Variants in ASB5 observed in about 807,000 individuals in gnomAD.
The protein encoded by ASB5 is ankyrin repeat and SOCS box containing 5.
ASB5 carries 45 observed loss-of-function variants against 42.1 expected under a neutral mutation model. The ratio of observed to expected loss-of-function variants is 1.07; its 90% CI spans 0.84 to 1.37. The LOEUF (loss-of-function observed/expected upper bound fraction) is 1.37. ASB5 is among the 40% of genes most tolerant of loss of function. The pLI is 0.00. For missense variants in ASB5, 402 were observed against 399.8 expected (o/e 1.01, Z -0.05); for synonymous variants, 147 against 150.6 (o/e 0.98, Z 0.18).
intron 5 of ASB5, among the ~76,000 whole-genome samples, chr4:176,218,959 T>C (rs1188584462): frequency 1.7e-4 from 3 of 17,538 alleles, no homozygotes; most frequent in African/African-American, 3.0e-4. Context: ...TATATAAATA[T>C]ATATTTGTAT....
chr4:176,226,818 C>T (rs1214329698), intron 1 of ASB5, among the ~76,000 whole-genome samples: 2 of 152,228 alleles, frequency 1.3e-5, no homozygotes, highest in Non-Finnish European at 2.9e-5. Flanking sequence ...CCCAGCTTGC[C>T]TGGGCTCTGC....
At chr4:176,273,770 A>G (rs1398869187), upstream of ASB5, among the ~76,000 whole-genome samples, 1 of 152,248 alleles carries the variant, frequency 6.6e-6, no homozygotes, top group Non-Finnish European at 1.5e-5. Flanking sequence ...TATGTTGTCC[A>G]GAAAAACTTG....
upstream of ASB5, among the ~76,000 whole-genome samples, chr4:176,273,984 C>T (rs1355871880): frequency 2.6e-5 from 4 of 152,086 alleles, no homozygotes; most frequent in East Asian, 3.8e-4. Flanking sequence ...ACTTATCTCC[C>T]GGCTCTCGAG....
chr4:176,225,448 G>T, intron 1 of ASB5, 107 bp from the exon 2 acceptor site: 1 of 938,240 alleles, frequency 1.1e-6, no homozygotes, highest in Non-Finnish European at 1.7e-6. Flanking sequence ...TTCACACTCA[G>T]TGTTCAACAG....
At chr4:176,268,532 A>T (rs943396591) in intron 1 of ASB5, among the ~76,000 whole-genome samples, 1 of 152,198 alleles carries the variant, frequency 6.6e-6, no homozygotes, top group Non-Finnish European at 1.5e-5. Flanking sequence ...ATCCAGGTAC[A>T]CATTAGAGGA....
In ASB5 at chr4:176,215,656, G is replaced by C. The variant is rs1315643862; in HGVS notation, c.934C>G (p.Leu312Val). 1 of 1,613,322 alleles carries C rather than the reference G, an allele frequency of 6.2e-7. No individual in the cohort carries two copies. Among genetic ancestry groups the C allele is most frequent in the Non-Finnish European group, 8.5e-7 (1 of 1,179,544 alleles). The change falls in exon 7 of 7, where the codon CTT (leucine) becomes GTT (valine). Residue 312 changes from leucine (L) to valine (V), a missense_variant. By Grantham distance (32) the Leu-to-Val change is conservative. Coordinates refer to ENST00000296525, the MANE Select transcript of ASB5 (RefSeq NM_080874.4). ...RSYIGKPRLH[L>V]IPQLQLPTLL... ...GTTGGCAGCTGGAGTTGTGGGATAAGGTGCAATCTTGGTTTTCCTATGTAG... is the reference window on the plus strand; with the variant it reads ...GTTGGCAGCTGGAGTTGTGGGATAACGTGCAATCTTGGTTTTCCTATGTAG...
At chr4:176,224,248 T>TTTTTTTA (rs1753309095) in intron 2 of ASB5, among the ~76,000 whole-genome samples, 2 of 104,116 alleles carry the variant, frequency 1.9e-5, no homozygotes, top group Non-Finnish European at 4.2e-5. Flanking sequence ...TTTTTTTTTT[T>TTTTTTTA]GAGAGGGAGT....
At chr4:176,219,224 T>C (rs1205261336) in intron 5 of ASB5, among the ~76,000 whole-genome samples, 1 of 115,716 alleles carries the variant, frequency 8.6e-6, no homozygotes, top group East Asian at 2.4e-4. Context: ...TAAATATATA[T>C]ATTTGTATGA....
At chr4:176,220,186 A>T (rs1260377172) in intron 5 of ASB5, among the ~76,000 whole-genome samples, 1 of 152,188 alleles carries the variant, frequency 6.6e-6, no homozygotes, top group South Asian at 2.1e-4. Flanking sequence ...TACAAAATTC[A>T]TGGGAGGGAG....
chr4:176,231,185 C>G (rs541483898), intron 1 of ASB5, among the ~76,000 whole-genome samples: 100 of 151,872 alleles, frequency 6.6e-4, no homozygotes, highest in African/African-American at 2.3e-3. Context: ...CTCCCCACGG[C>G]ACTTCACACC....
intron 5 of ASB5, among the ~76,000 whole-genome samples, chr4:176,219,276 T>C (rs1387691959): frequency 8.8e-6 from 1 of 114,138 alleles, no homozygotes; most frequent in Non-Finnish European, 1.6e-5. Flanking sequence ...TATATTTGTA[T>C]GATATATAAA....
At chr4:176,220,955 G>A (rs575247932) in intron 5 of ASB5, among the ~76,000 whole-genome samples, 200 bp downstream of exon 5, 58 of 152,232 alleles carry the variant, frequency 3.8e-4, no homozygotes, top group African/African-American at 1.2e-3. Flanking sequence ...CTAGGAAGCC[G>A]ACTTATCAAG....
At chr4:176,266,483 TTATAG>T (rs1754359102) in intron 1 of ASB5, among the ~76,000 whole-genome samples, 1 of 152,148 alleles carries the variant, frequency 6.6e-6, no homozygotes, top group Non-Finnish European at 1.5e-5. Context: ...AATAGTTTAC[TTATAG>T]TAAATAAAAG....
At chr4:176,274,307 T>A (rs761348966) in intron 2 of ASB5, among the ~76,000 whole-genome samples, 3 of 152,112 alleles carry the variant, frequency 2.0e-5, no homozygotes, top group Non-Finnish European at 4.4e-5. Flanking sequence ...ATAAAGTCAT[T>A]TTTGCTGTTG....
intron 1 of ASB5, among the ~76,000 whole-genome samples, chr4:176,254,829 G>A (rs1051809250): frequency 6.6e-6 from 1 of 152,110 alleles, no homozygotes; most frequent in Admixed American, 6.6e-5. Flanking sequence ...CTGGAGAAAT[G>A]CAAATCAAAA....
At chr4:176,249,472 T>G (rs1463153885) in intron 1 of ASB5, 1 of 152,132 alleles carries the variant, frequency 6.6e-6, no homozygotes, top group Non-Finnish European at 1.5e-5. Context: ...TTGGCTCTTC[T>G]TACCCTGCTG....
chr4:176,276,720 T>C (rs1754569390), intron 1 of ASB5, among the ~76,000 whole-genome samples: 1 of 152,188 alleles, frequency 6.6e-6, no homozygotes, highest in African/African-American at 2.4e-5. Context: ...AACTCTTACC[T>C]GAAGATGTGA....
At position 176,226,225 on chromosome 4, in the gene ASB5, C is replaced by G. The variant is rs1368006925; in HGVS notation, c.197-884G>C. The stretch of plus-strand genomic sequence containing the variant: ...TGGGCACCATCATATGGCTGGGGGC[C>G]TGGAGAGAACAAAAAAACCTCTCCT... On this transcript the variant is annotated intron_variant, in intron 1 of 6. Transcript: ENST00000296525. 3.3e-5 allele frequency among the ~76,000 whole-genome samples: 5 copies of G among 152,176 alleles called. No individual in the cohort carries two copies. The South Asian group carries it at 6.2e-4, about 19-fold the overall frequency.
chr4:176,247,649 C>T (rs527577601), intron 1 of ASB5, among the ~76,000 whole-genome samples: 1 of 152,134 alleles, frequency 6.6e-6, no homozygotes, highest in Admixed American at 6.5e-5. Context: ...GGACTTACAC[C>T]ATACAAAAAA....
Sources: gnomAD v4.1 joint callset for allele counts (sites outside exome capture counted in the v4.1 genomes callset) on GRCh38, gnomAD v4.1.1 for gene constraint, MANE v1.5 for transcripts, NCBI Gene and HGNC (gene_info 2026-07-23, HGNC 2026-07-21) for gene names.